Variants in C10orf143 observed in about 807,000 individuals in gnomAD.
C10orf143 encodes the protein chromosome 10 open reading frame 143.
At chr10:130,038,080 C>T (rs1860565183) in intron 3 of C10orf143, among the ~76,000 whole-genome samples, 1 of 152,164 alleles carries the variant, frequency 6.6e-6, no homozygotes, top group South Asian at 2.1e-4. Flanking sequence ...TGGCCAGAAA[C>T]TTCCACCCTC....
chr10:130,075,432 G>A (rs185602098), intron 3 of C10orf143, among the ~76,000 whole-genome samples: 20 of 152,290 alleles, frequency 1.3e-4, no homozygotes, highest in Admixed American at 4.6e-4. Flanking sequence ...ATACAGGCCC[G>A]GAGACCTCTG....
At chr10:130,093,879 G>A (rs1040273896) in intron 1 of C10orf143, among the ~76,000 whole-genome samples, 11 of 151,762 alleles carry the variant, frequency 7.2e-5, no homozygotes, top group South Asian at 2.1e-4. Flanking sequence ...GTGTAGTGGC[G>A]GGCACCTGTA....
intron 3 of C10orf143, among the ~76,000 whole-genome samples, chr10:130,053,559 C>A (rs1442446205): frequency 6.6e-6 from 1 of 152,120 alleles, no homozygotes; most frequent in African/African-American, 2.4e-5. Context: ...GCATGTGAGA[C>A]CCCCACAGGA....
At chr10:130,053,377 G>A (rs549112689) in intron 3 of C10orf143, among the ~76,000 whole-genome samples, 15 of 152,180 alleles carry the variant, frequency 9.9e-5, no homozygotes, top group Admixed American at 2.0e-4. Flanking sequence ...GGCCAAAGTT[G>A]CTAAGTTTTT....
At chr10:130,096,298 C>T (rs974007066) in intron 1 of C10orf143, among the ~76,000 whole-genome samples, 51 of 151,922 alleles carry the variant, frequency 3.4e-4, no homozygotes, top group Non-Finnish European at 4.7e-4. Flanking sequence ...ACAACAGATG[C>T]TGGAGAGGAT....
At chr10:130,050,786 G>A (rs1370503914) in intron 3 of C10orf143, among the ~76,000 whole-genome samples, 1 of 152,208 alleles carries the variant, frequency 6.6e-6, no homozygotes, top group Non-Finnish European at 1.5e-5. Flanking sequence ...TGTGGCAACC[G>A]AATCAGCTCT....
chr10:130,095,415 CT>C (rs1401305682), intron 1 of C10orf143, among the ~76,000 whole-genome samples: 1 of 152,218 alleles, frequency 6.6e-6, no homozygotes, highest in Non-Finnish European at 1.5e-5. Flanking sequence ...CTACCACTGA[CT>C]TTCTTCATAG....
chr10:130,097,000 A>T (rs1241654080), intron 1 of C10orf143, among the ~76,000 whole-genome samples: 1 of 150,308 alleles, frequency 6.7e-6, no homozygotes, highest in Non-Finnish European at 1.5e-5. Flanking sequence ...TCGCTCTGTC[A>T]CCCAGGCTGG....
intron 3 of C10orf143, chr10:130,067,935 A>T (rs906178560): frequency 6.6e-6 from 1 of 152,440 alleles, no homozygotes; most frequent in Non-Finnish European, 1.5e-5. Flanking sequence ...TTTGTCACAA[A>T]GTTGTCCTGG....
chr10:130,110,582 C>A, intron 1 of C10orf143, 122 bp downstream of exon 1: 1 of 397,400 alleles, frequency 2.5e-6, no homozygotes, highest in Non-Finnish European at 4.4e-6. Context: ...CGCGAGCGTG[C>A]GAGTGTCTTG....
At chr10:130,060,530 A>G (rs141206151), downstream of C10orf143, among the ~76,000 whole-genome samples, 1 of 152,364 alleles carries the variant, frequency 6.6e-6, no homozygotes, top group Non-Finnish European at 1.5e-5. Flanking sequence ...GTTAACATTA[A>G]AAAGTATGTG....
intron 3 of C10orf143, among the ~76,000 whole-genome samples, chr10:130,037,976 C>A (rs763750025): frequency 2.0e-5 from 3 of 152,158 alleles, no homozygotes; most frequent in Non-Finnish European, 4.4e-5. Flanking sequence ...GCTTTGTCTG[C>A]GAATACATTC....
At chr10:130,040,288 A>G (rs1370872486) in intron 3 of C10orf143, among the ~76,000 whole-genome samples, 1 of 152,186 alleles carries the variant, frequency 6.6e-6, no homozygotes, top group Non-Finnish European at 1.5e-5. Context: ...GGACCATATC[A>G]TGACATCTGC....
chr10:130,046,221 C>A (rs1860670658), intron 3 of C10orf143, among the ~76,000 whole-genome samples: 1 of 115,700 alleles, frequency 8.6e-6, no homozygotes, highest in Admixed American at 9.1e-5. Context: ...TGGGGTGGAG[C>A]GGGTGGGGCG....
At chr10:130,105,473 G>A (rs1590037648) in intron 1 of C10orf143, among the ~76,000 whole-genome samples, 1 of 152,134 alleles carries the variant, frequency 6.6e-6, no homozygotes, top group East Asian at 1.9e-4. Flanking sequence ...TCTCACGCCT[G>A]TAATCCCAGC....
intron 1 of C10orf143, among the ~76,000 whole-genome samples, chr10:130,103,560 A>G (rs889616721): frequency 5.3e-5 from 8 of 152,214 alleles, no homozygotes; most frequent in Middle Eastern, 3.4e-3. Flanking sequence ...TAATCCCAGA[A>G]TTTTGGGAGT....
chr10:130,105,974 C>A (rs934857472), intron 1 of C10orf143: 7 of 400,940 alleles, frequency 1.7e-5, no homozygotes, highest in Non-Finnish European at 2.5e-5. Flanking sequence ...GTTCCGGACG[C>A]AAGGCTGCGA....
intron 1 of C10orf143, among the ~76,000 whole-genome samples, chr10:130,099,824 A>T (rs1171737): frequency 0.59 from 85,680 of 146,056 alleles, 26,153 homozygotes; most frequent in Admixed American, 0.71. Flanking sequence ...CTCAACCTAA[A>T]TTTTTTTTAT....
intron 1 of C10orf143, chr10:130,107,384 T>C (rs774584681): frequency 1.8e-6 from 2 of 1,127,326 alleles, no homozygotes; most frequent in South Asian, 1.2e-5. Flanking sequence ...TATTCATTAT[T>C]ATCAACGGCA....
Sources: gnomAD v4.1 joint callset for allele counts (sites outside exome capture counted in the v4.1 genomes callset) on GRCh38, gnomAD v4.1.1 for gene constraint, MANE v1.5 for transcripts, NCBI Gene and HGNC (gene_info 2026-07-23, HGNC 2026-07-21) for gene names.